CAMK4: variants seen among roughly 807,000 people sequenced by gnomAD.
CAMK4 encodes calcium/calmodulin-dependent protein kinase type IV.
A neutral mutation model predicts 44.9 loss-of-function variants in CAMK4; 22 were observed. That is an observed-to-expected ratio of 0.49 (90% CI 0.35 to 0.70). CAMK4 has a LOEUF of 0.70. CAMK4 is among the 30% of genes least tolerant of loss of function. The pLI, the probability that CAMK4 is intolerant of heterozygous loss-of-function variation, is 0.01. For synonymous variants in CAMK4, 218 were observed against 215.4 expected, an observed-to-expected ratio of 1.01 and a Z score of -0.11; for missense variants, 498 against 586.8, an observed-to-expected ratio of 0.85 and a Z score of 1.56.
At chr5:111,449,078 C>T (rs1754128884) in intron 6 of CAMK4, 51 bp from the exon 7 acceptor site, 1 of 791,636 alleles carries the variant, frequency 1.3e-6, no homozygotes, top group Non-Finnish European at 2.2e-6. Flanking sequence ...AATATTTTGT[C>T]ATAAAAGCTG....
intron 5 of CAMK4, among the ~76,000 whole-genome samples, chr5:111,427,996 G>T (rs1465907593): frequency 6.6e-6 from 1 of 152,250 alleles, no homozygotes; most frequent in Non-Finnish European, 1.5e-5. Context: ...GGCCACAGGG[G>T]TGCTTGTGTC....
chr5:111,317,910 A>T (rs1424481651), intron 1 of CAMK4, among the ~76,000 whole-genome samples: 1 of 93,438 alleles, frequency 1.1e-5, no homozygotes, highest in Middle Eastern at 4.8e-3. Flanking sequence ...AAAAAAAAAA[A>T]AAAAAAAAAA....
At chr5:111,398,181 A>T (rs1359332201) in intron 5 of CAMK4, among the ~76,000 whole-genome samples, 2 of 152,218 alleles carry the variant, frequency 1.3e-5, no homozygotes, top group Non-Finnish European at 2.9e-5. Context: ...ACCATCTTGC[A>T]TTAGCATATT....
At chr5:111,323,597 C>T (rs551516446) in intron 1 of CAMK4, among the ~76,000 whole-genome samples, 1 of 151,888 alleles carries the variant, frequency 6.6e-6, no homozygotes, top group South Asian at 2.1e-4. Flanking sequence ...AATGGAACAA[C>T]ACCTTCAAAG....
chr5:111,249,788 T>C (rs2112538013), intron 1 of CAMK4, among the ~76,000 whole-genome samples: 1 of 151,794 alleles, frequency 6.6e-6, no homozygotes, highest in East Asian at 1.9e-4. Context: ...ATATATTCAT[T>C]GTTGATTGCT....
intron 5 of CAMK4, among the ~76,000 whole-genome samples, chr5:111,415,791 C>T (rs900926771): frequency 6.6e-6 from 1 of 152,046 alleles, no homozygotes; most frequent in African/African-American, 2.4e-5. Flanking sequence ...TCCATGGATC[C>T]AGTCAACCTT....
At chr5:111,230,824 A>T (rs553759101) in intron 1 of CAMK4, among the ~76,000 whole-genome samples, 78 of 151,080 alleles carry the variant, frequency 5.2e-4, no homozygotes, top group Non-Finnish European at 8.7e-4. Flanking sequence ...TTTTTTTTTA[A>T]AAAAAATAAA....
At chr5:111,407,693 T>G (rs1451949219) in intron 5 of CAMK4, among the ~76,000 whole-genome samples, 2 of 152,214 alleles carry the variant, frequency 1.3e-5, no homozygotes, top group Non-Finnish European at 2.9e-5. Flanking sequence ...TTCAATGCTC[T>G]GAAAAGCTGA....
chr5:111,381,340 A>G (rs1452711184), intron 4 of CAMK4, among the ~76,000 whole-genome samples: 1 of 152,212 alleles, frequency 6.6e-6, no homozygotes, highest in Non-Finnish European at 1.5e-5. Context: ...CCAGGAAGCC[A>G]GTCTGAGTTC....
chr5:111,483,080 C>T, intron 10 of CAMK4, 143 bp downstream of exon 10: 1 of 648,486 alleles, frequency 1.5e-6, no homozygotes. Flanking sequence ...TGCTTTGAAA[C>T]TCCAATAAGG....
intron 1 of CAMK4, among the ~76,000 whole-genome samples, chr5:111,231,063 G>A (rs1479703951): frequency 6.6e-6 from 1 of 152,070 alleles, no homozygotes; most frequent in Non-Finnish European, 1.5e-5. Context: ...TTGTAGTACA[G>A]GATTATCTGA....
At chr5:111,346,316 C>T (rs1017790002) in intron 2 of CAMK4, among the ~76,000 whole-genome samples, 1 of 151,970 alleles carries the variant, frequency 6.6e-6, no homozygotes, top group Non-Finnish European at 1.5e-5. Flanking sequence ...AGCTCAACCA[C>T]ATAAAATTGC....
chr5:111,438,651 G>C (rs1439037914), intron 5 of CAMK4, among the ~76,000 whole-genome samples: 1 of 152,138 alleles, frequency 6.6e-6, no homozygotes, highest in Non-Finnish European at 1.5e-5. Context: ...TGCTCAAAGA[G>C]TTTACAGCAA....
chr5:111,351,408 T>TC (rs1750097303), intron 2 of CAMK4, among the ~76,000 whole-genome samples: 1 of 151,010 alleles, frequency 6.6e-6, no homozygotes, highest in Non-Finnish European at 1.5e-5. Context: ...TTTTTCTTTT[T>TC]CTTTTTTTTT....
At chr5:111,236,106 A>C (rs1391883909) in intron 1 of CAMK4, among the ~76,000 whole-genome samples, 1 of 152,244 alleles carries the variant, frequency 6.6e-6, no homozygotes, top group Non-Finnish European at 1.5e-5. Flanking sequence ...TTTCTGTGAC[A>C]ATCAAATGAG....
intron 1 of CAMK4, among the ~76,000 whole-genome samples, chr5:111,341,231 A>C (rs1380362671): frequency 6.6e-6 from 1 of 151,238 alleles, no homozygotes; most frequent in Non-Finnish European, 1.5e-5. Context: ...TTGTTCTTTC[A>C]TTTATTGTAT....
chr5:111,319,981 G>A (rs1374878513), intron 1 of CAMK4, among the ~76,000 whole-genome samples: 1 of 152,064 alleles, frequency 6.6e-6, no homozygotes, highest in East Asian at 1.9e-4. Context: ...GTATAGGAGT[G>A]GAAAAAGCTT....
chr5:111,293,827 A>T (rs2112630866), intron 1 of CAMK4, among the ~76,000 whole-genome samples: 1 of 148,572 alleles, frequency 6.7e-6, no homozygotes, highest in South Asian at 2.1e-4. Context: ...GCTCACTGCA[A>T]GCTCCGCCTC....
At chr5:111,328,618 C>T (rs150833394) in intron 1 of CAMK4, among the ~76,000 whole-genome samples, 63,458 of 151,654 alleles carry the variant, frequency 0.42, 13,815 homozygotes, top group South Asian at 0.56. Context: ...GCCATTTTCA[C>T]GATATTGATT....
Sources: gnomAD v4.1 joint callset for allele counts (sites outside exome capture counted in the v4.1 genomes callset) on GRCh38, gnomAD v4.1.1 for gene constraint, MANE v1.5 for transcripts, NCBI Gene and HGNC (gene_info 2026-07-23, HGNC 2026-07-21) for gene names.